Variants in STAB2 observed in about 807,000 individuals in gnomAD.
STAB2 encodes the protein stabilin 2, also known as stabilin-2.
Under a neutral mutation model 338.1 loss-of-function variants are expected in STAB2, and 288 were observed. The ratio of observed to expected loss-of-function variants is 0.85; its 90% confidence interval spans 0.77 to 0.94. The LOEUF is 0.94. STAB2 is among the 40% of genes least tolerant of loss of function. STAB2 has a pLI of 0.00. For missense variants in STAB2, 3,141 were observed against 3,210.1 expected, an observed-to-expected ratio of 0.98 and a Z score of 0.52; for synonymous variants, 1,202 against 1,193.3, an observed-to-expected ratio of 1.01 and a Z score of -0.15.
At chr12:103,692,394 G>GC (rs1321484497) in intron 30 of STAB2, among the ~76,000 whole-genome samples, 1 of 126,160 alleles carries the variant, frequency 7.9e-6, no homozygotes, top group Non-Finnish European at 1.8e-5. Context: ...AATTGTGGGG[G>GC]CAGGGGGGGA....
At chr12:103,748,884 G>A in intron 58 of STAB2, 79 bp from the exon 59 acceptor site, 3 of 1,467,306 alleles carry the variant, frequency 2.0e-6, no homozygotes, top group Admixed American at 2.0e-5. Context: ...CACTAGTGCT[G>A]TGGTGCCCCA....
At chr12:103,663,028 C>G (rs752949831) in intron 18 of STAB2, 30 bp downstream of exon 18, 3 of 1,612,276 alleles carry the variant, frequency 1.9e-6, no homozygotes, top group Non-Finnish European at 2.5e-6. Context: ...AAGTAAGGGC[C>G]CCAAACAGCC....
intron 8 of STAB2, among the ~76,000 whole-genome samples, chr12:103,639,545 A>G (rs1016928016): frequency 1.3e-5 from 2 of 152,084 alleles, no homozygotes; most frequent in African/African-American, 4.8e-5. Context: ...TCTACTAAAA[A>G]TACAAAAAAT....
At chr12:103,764,159 G>T (rs1172142195) in intron 68 of STAB2, among the ~76,000 whole-genome samples, 1 of 151,976 alleles carries the variant, frequency 6.6e-6, no homozygotes, top group Non-Finnish European at 1.5e-5. Context: ...CTCCATGTTG[G>T]TCAGGCTGGT....
Position 103,652,579 on chromosome 12 carries a change from T to G in STAB2, c.1281T>G (p.Asn427Lys), listed in dbSNP as rs1046562984. ...GFNVNELLVD[N>K]KAAQYFVKLH... The stretch of plus-strand genomic sequence containing the variant: ...AGGTAAATGAGCTTTTGGTGGATAA[T>G]AAAGCTGCTCAATACTTTGTGAAAC... The change falls in exon 12 of 69, where the codon AAT (asparagine) becomes AAG (lysine). Residue 427 changes from asparagine (N) to lysine (K), a missense_variant. Physicochemically the swap from Asn to Lys is moderately conservative, Grantham distance 94 (BLOSUM62 0). Transcript: ENST00000388887. 3 of 1,596,320 alleles carry G rather than the reference T, an allele frequency of 1.9e-6. No homozygotes were observed. Among genetic ancestry groups the G allele is most frequent in the South Asian group, 2.3e-5 (2 of 85,144 alleles).
In STAB2 at chr12:103,634,018, A is replaced by G. The variant is rs1447713838; in HGVS notation, c.583+2325A>G. Among the ~76,000 whole-genome samples, 3 of 152,242 alleles carry G rather than the reference A, an allele frequency of 2.0e-5. No homozygotes were observed. The East Asian group carries it at 5.8e-4, about 29-fold the overall frequency. Reference sequence around the variant, plus strand: ...TAAGCATATATGATCAAATAAATTTATGGAAATGCTATTTGTAGGAGGATA... The same window carrying G: ...TAAGCATATATGATCAAATAAATTTGTGGAAATGCTATTTGTAGGAGGATA... On this transcript the variant is annotated intron_variant, in intron 6 of 68. Transcript: ENST00000388887.
intron 63 of STAB2, 81 bp downstream of exon 63, chr12:103,755,799 C>G (rs1566081281): frequency 8.3e-6 from 11 of 1,319,092 alleles, no homozygotes; most frequent in Non-Finnish European, 1.2e-5. Context: ...AGGCCTTAAG[C>G]TGAAGGCCAC....
chr12:103,619,129 G>A (rs1184203603), intron 3 of STAB2, among the ~76,000 whole-genome samples: 1 of 152,168 alleles, frequency 6.6e-6, no homozygotes, highest in Non-Finnish European at 1.5e-5. Flanking sequence ...TCTCAGGCAT[G>A]TCTTTATTAG....
intron 2 of STAB2, among the ~76,000 whole-genome samples, chr12:103,592,880 T>C (rs1956821056): frequency 6.6e-6 from 1 of 152,154 alleles, no homozygotes; most frequent in Non-Finnish European, 1.5e-5. Context: ...ACCATTCCAC[T>C]CTATTTATAT....
chr12:103,740,722 G>A lies in STAB2; in HGVS notation c.5847G>A (p.Arg1949=), dbSNP rs758415040. 1 of 1,600,692 alleles carries A rather than the reference G, an allele frequency of 6.2e-7. No homozygotes were observed. The highest frequency in any genetic ancestry group is 1.4e-5 in the African/African-American group (1 of 74,058). The change falls in exon 55 of 69, where the codon AGG becomes AGA. Residue 1949 remains arginine (R), a synonymous_variant. Coordinates refer to ENST00000388887, the MANE Select transcript of STAB2 (RefSeq NM_017564.10). ...GCAGCCTGGTGATACAGATCCCCAGGTGCTGCAAGGGCTACTTCGGGCGAG... is the reference window on the plus strand; with the variant it reads ...GCAGCCTGGTGATACAGATCCCCAGATGCTGCAAGGGCTACTTCGGGCGAG... ...ERCSLVIQIP[R]CCKGYFGRDC... is the part of the protein sequence containing the mutation.
chr12:103,655,695 C>T, intron 15 of STAB2, 114 bp downstream of exon 15: 3 of 1,307,046 alleles, frequency 2.3e-6, no homozygotes, highest in Non-Finnish European at 3.1e-6. Context: ...TGTATCACCA[C>T]CTACCCTCCA....
chr12:103,733,826 A>T (rs1881845510), intron 51 of STAB2, among the ~76,000 whole-genome samples: 1 of 152,046 alleles, frequency 6.6e-6, no homozygotes, highest in South Asian at 2.1e-4. Flanking sequence ...AGCAAGCACG[A>T]TCACAGCAGC....
Position 103,708,479 on chromosome 12 carries a change from T to C in STAB2, c.4231T>C (p.Leu1411=), listed in dbSNP as rs1879562621. The change falls in exon 39 of 69, where the codon TTG becomes CTG. Residue 1411 remains leucine, a synonymous_variant. Coordinates refer to ENST00000388887, the MANE Select transcript of STAB2 (RefSeq NM_017564.10). ...CCATGGGAGATGCAACCAAGGACCC[T>C]TGGGAGATGGCTCCTGTGACTGTGA... ...CVHGRCNQGP[L]GDGSCDCDVG... 1.9e-6 allele frequency: 3 copies of C among 1,614,126 alleles called. No individual in the cohort carries two copies. Among genetic ancestry groups the C allele is most frequent in the Admixed American group, 1.7e-5 (1 of 60,028 alleles).
At position 103,759,227 on chromosome 12, in the gene STAB2, T is replaced by G. The variant is rs1884362149; in HGVS notation, c.7202T>G (p.Leu2401Arg). Residue 2401 changes from leucine (L) to arginine (R), a missense_variant, in exon 65 of 69, where the codon CTG (leucine) becomes CGG (arginine). By Grantham distance (102) the Leu-to-Arg change is moderately radical (BLOSUM62 -2). Transcript: ENST00000388887. ...LVNGTTLQTR[L>R]GSKLLITASQ... ...AATGGCACCACCCTGCAAACGAGGC[T>G]GGGAAGCAAGCTGCTCATCACTGCC... 2 of 1,613,976 alleles carry G rather than the reference T, an allele frequency of 1.2e-6. No homozygotes were observed. The highest frequency in any genetic ancestry group is 2.7e-5 in the African/African-American group (2 of 74,894).
chr12:103,746,799 C>T, intron 58 of STAB2, 95 bp downstream of exon 58: 3 of 1,205,728 alleles, frequency 2.5e-6, no homozygotes, highest in East Asian at 2.4e-5. Flanking sequence ...AGCCCTCCTT[C>T]CTGTCTGGGC....
intron 44 of STAB2, among the ~76,000 whole-genome samples, chr12:103,723,445 C>T (rs1880928268): frequency 6.6e-6 from 1 of 152,202 alleles, no homozygotes; most frequent in African/African-American, 2.4e-5. Flanking sequence ...CCCCACAATT[C>T]AATCACTTCC....
intron 3 of STAB2, among the ~76,000 whole-genome samples, chr12:103,618,735 T>C (rs1957250096): frequency 6.6e-6 from 1 of 152,218 alleles, no homozygotes; most frequent in Admixed American, 6.5e-5. Context: ...CTAGAAAGTA[T>C]GGCTAAAAAT....
In STAB2 at chr12:103,706,965, G is replaced by T. The variant is rs1229166427; in HGVS notation, c.4170G>T (p.Lys1390Asn). The T allele has an allele frequency of 6.2e-7, 1 of 1,614,214 alleles. No individual in the cohort carries two copies. Among genetic ancestry groups the T allele is most frequent in the Non-Finnish European group, 8.5e-7 (1 of 1,180,036 alleles). The change falls in exon 38 of 69, where the codon AAG becomes AAT. Residue 1390 changes from lysine to asparagine, a missense_variant. Physicochemically the swap from Lys to Asn is moderately conservative, Grantham distance 94. Coordinates refer to ENST00000388887, the MANE Select transcript of STAB2 (RefSeq NM_017564.10). Reference protein sequence around the residue: ...GTACETCTEGKYGIHCDQACS... With the variant: ...GTACETCTEGNYGIHCDQACS... ...CCTGCGAGACCTGCACCGAGGGCAA[G>T]TACGGCATCCACTGTGACCAAGGTG...
At chr12:103,601,111 C>T (rs985696673) in intron 3 of STAB2, among the ~76,000 whole-genome samples, 4 of 152,092 alleles carry the variant, frequency 2.6e-5, no homozygotes, top group South Asian at 4.1e-4. Flanking sequence ...GACCTTGTTA[C>T]CAAACCTTGC....
Sources: allele counts gnomAD v4.1 joint callset (sites outside exome capture counted in the v4.1 genomes callset), GRCh38; gene constraint gnomAD v4.1.1; transcripts MANE v1.5; gene names NCBI Gene and HGNC (gene_info 2026-07-23, HGNC 2026-07-21).